Variants in TM7SF3 observed in about 807,000 individuals in gnomAD.
The protein encoded by TM7SF3 is seven span transmembrane protein.
A neutral mutation model predicts 65.5 loss-of-function variants in TM7SF3; 60 were observed. That is an observed-to-expected ratio of 0.92 (90% CI 0.74 to 1.14). TM7SF3 has a LOEUF of 1.14. TM7SF3 is among the 50% of genes most tolerant of loss of function. The pLI is 0.00. For missense variants in TM7SF3, 623 were observed against 684.8 expected (o/e 0.91, Z 1.01); for synonymous variants, 264 against 259.6 (o/e 1.02, Z -0.16).
chr12:27,007,233 G>A (rs1374921563), intron 1 of TM7SF3, among the ~76,000 whole-genome samples: 1 of 152,134 alleles, frequency 6.6e-6, no homozygotes, highest in Non-Finnish European at 1.5e-5. Context: ...AAAGCTACAG[G>A]AAAATGATGC....
chr12:27,005,356 C>G lies in TM7SF3; in HGVS notation c.92-1966G>C, dbSNP rs76263971. On this transcript the variant is annotated intron_variant, in intron 1 of 11. Transcript: ENST00000343028. ...CCTATTTGGCAATATTTATAAGGTA[C>G]TCATGGACTAGGCACTCTAGTTGTT... Among the ~76,000 whole-genome samples the G allele has an allele frequency of 5.9e-4, 90 of 152,280 alleles. 1 individual carries two copies. The East Asian group carries it at 9.2e-3, about 16-fold the overall frequency.
intron 9 of TM7SF3, chr12:26,978,119 C>T (rs1359024945): frequency 2.3e-6 from 1 of 442,952 alleles, no homozygotes; most frequent in Admixed American, 2.4e-5. Context: ...TATGGGTTTG[C>T]ACCCACTAGC....
intron 5 of TM7SF3, among the ~76,000 whole-genome samples, chr12:26,993,108 G>A (rs565917338): frequency 6.6e-5 from 10 of 151,706 alleles, no homozygotes; most frequent in African/African-American, 2.2e-4. Context: ...GTTTTGCCAC[G>A]TTGCCCAGGC....
rs1190397020 is a variant in TM7SF3, at chr12:26,972,066, A to C, written c.*1899T>G. 6.6e-6 allele frequency: 1 copy of C among 152,202 alleles called. No homozygotes were observed. Among genetic ancestry groups the C allele is most frequent in the Non-Finnish European group, 1.5e-5 (1 of 68,038 alleles). The allele number at this position is 152,202 out of a possible 1,614,324, so 9.4% of individuals were successfully genotyped here. On this transcript the variant is annotated 3_prime_UTR_variant, in exon 12 of 12. Coordinates refer to ENST00000343028, the MANE Select transcript of TM7SF3 (RefSeq NM_016551.3). ...TGCAACAACATTCCACAACCCTAAT[A>C]CCACTCAGGCCTGCAGAGTCACCAG...
At chr12:27,006,385 C>G (rs754966066) in intron 1 of TM7SF3, among the ~76,000 whole-genome samples, 1 of 151,318 alleles carries the variant, frequency 6.6e-6, no homozygotes, top group East Asian at 1.9e-4. Flanking sequence ...GATCCGCCCA[C>G]CTGGGCCTCC....
intron 5 of TM7SF3, among the ~76,000 whole-genome samples, chr12:26,991,148 T>C (rs1034143165): frequency 2.1e-4 from 29 of 140,870 alleles, no homozygotes; most frequent in African/African-American, 8.4e-4. Context: ...GTTCTTTTTT[T>C]TTTTTTTTTT....
At chr12:27,002,919 A>G (rs1404027976) in intron 2 of TM7SF3, among the ~76,000 whole-genome samples, 2 of 152,224 alleles carry the variant, frequency 1.3e-5, no homozygotes. Context: ...TTAAGGCCCC[A>G]CTAAAGTAAG....
intron 9 of TM7SF3, among the ~76,000 whole-genome samples, chr12:26,977,691 T>C (rs1592270806): frequency 6.6e-6 from 1 of 151,720 alleles, no homozygotes; most frequent in Non-Finnish European, 1.5e-5. Flanking sequence ...GAGGTGGAGG[T>C]TGCAGTGAAC....
Position 26,973,760 on chromosome 12 carries a change from C to T in TM7SF3, c.*205G>A. The T allele has an allele frequency of 1.8e-6, 1 of 554,286 alleles. No individual in the cohort carries two copies. The highest frequency in any genetic ancestry group is 2.9e-6 in the Non-Finnish European group (1 of 347,856). 34.3% of individuals were successfully genotyped at this position (554,286 alleles called of 1,614,324 possible). A position where few individuals can be genotyped will look rare whatever the true frequency, so the allele number is the denominator to read the frequency against. On this transcript the variant is annotated 3_prime_UTR_variant, in exon 12 of 12. Coordinates refer to ENST00000343028, the MANE Select transcript of TM7SF3 (RefSeq NM_016551.3). ...GAAATAAGAAAAAGCCTCCCTACCA[C>T]CAACCTTTTGGTCATCTTTCTCATT...
At chr12:26,980,337 T>C in intron 8 of TM7SF3, 1 of 548,536 alleles carries the variant, frequency 1.8e-6, no homozygotes, top group Non-Finnish European at 3.2e-6. Context: ...CTATAATCAA[T>C]ATGGCCCCTC....
chr12:27,009,555 T>C (rs968902545), intron 1 of TM7SF3, among the ~76,000 whole-genome samples: 1 of 152,200 alleles, frequency 6.6e-6, no homozygotes, highest in Non-Finnish European at 1.5e-5. Flanking sequence ...TTTTCTTTTC[T>C]TTAATTTTAT....
Position 27,014,021 on chromosome 12 carries a change from C to G in TM7SF3, c.91+57G>C, listed in dbSNP as rs75181233. On this transcript the variant is annotated intron_variant, in intron 1 of 11. Coordinates refer to ENST00000343028, the MANE Select transcript of TM7SF3 (RefSeq NM_016551.3). ...TGACAGACCCCTGGCGGATTTTGACCTCGCAAGAAATGCAAAAGCAACTTT... is the reference window on the plus strand; with the variant it reads ...TGACAGACCCCTGGCGGATTTTGACGTCGCAAGAAATGCAAAAGCAACTTT... 8.5e-3 allele frequency: 12,399 copies of G among 1,464,476 alleles called. 62 individuals carry two copies. The highest frequency in any genetic ancestry group is 0.011 in the Non-Finnish European group (11,439 of 1,067,536). 90.7% of individuals were successfully genotyped at this position (1,464,476 alleles called of 1,614,324 possible). A position where few individuals can be genotyped will look rare whatever the true frequency, so the allele number is the denominator to read the frequency against.
intron 5 of TM7SF3, 140 bp downstream of exon 5, chr12:26,995,094 AGAT>A (rs1940533518): frequency 1.2e-6 from 1 of 808,892 alleles, no homozygotes; most frequent in African/African-American, 1.7e-5. Context: ...AAGACTCCCA[AGAT>A]GATAACAAAA....
At chr12:27,002,424 T>G (rs368196219) in intron 2 of TM7SF3, among the ~76,000 whole-genome samples, 2 of 151,888 alleles carry the variant, frequency 1.3e-5, no homozygotes, top group South Asian at 4.2e-4. Context: ...TGGAGTGAGA[T>G]CTTATCTCTA....
At chr12:26,975,473 GT>G (rs1194273763) in intron 11 of TM7SF3, 22 bp downstream of exon 11, 1 of 1,613,600 alleles carries the variant, frequency 6.2e-7, no homozygotes, top group Middle Eastern at 1.7e-4. Context: ...TGTCACACTG[GT>G]TTTTGGATTT....
chr12:26,980,406 A>T (rs1265214020), intron 8 of TM7SF3, 160 bp downstream of exon 8: 5 of 613,468 alleles, frequency 8.2e-6, no homozygotes, highest in Non-Finnish European at 1.4e-5. Context: ...GGTCTGAATG[A>T]GTAGTTCAGA....
chr12:26,984,341 A>T (rs1273880571), intron 6 of TM7SF3, among the ~76,000 whole-genome samples: 1 of 151,944 alleles, frequency 6.6e-6, no homozygotes. Flanking sequence ...AGGCAGGAGA[A>T]TTGCTTGAAC....
intron 6 of TM7SF3, chr12:26,983,512 A>G (rs1343025280): frequency 1.3e-5 from 6 of 454,212 alleles, no homozygotes; most frequent in Non-Finnish European, 1.8e-5. Flanking sequence ...TGTGAGTAAC[A>G]TGATGACCAG....
intron 1 of TM7SF3, among the ~76,000 whole-genome samples, chr12:27,004,287 A>T (rs1350749400): frequency 6.6e-6 from 1 of 151,982 alleles, no homozygotes; most frequent in Non-Finnish European, 1.5e-5. Context: ...CCCACCCCCC[A>T]TCCTACAGTC....
Sources: allele counts gnomAD v4.1 joint callset (sites outside exome capture counted in the v4.1 genomes callset), GRCh38; gene constraint gnomAD v4.1.1; transcripts MANE v1.5; gene names NCBI Gene and HGNC (gene_info 2026-07-23, HGNC 2026-07-21).